Variants in ZWILCH observed in about 807,000 individuals in gnomAD.
ZWILCH encodes protein zwilch homolog.
In ZWILCH, 74 loss-of-function variants were observed where a neutral mutation model predicts 79.9. That is an observed-to-expected ratio of 0.93 (90% confidence interval 0.77 to 1.12). The LOEUF (loss-of-function observed/expected upper bound fraction) is 1.12. ZWILCH is among the 50% of genes most tolerant of loss of function. ZWILCH has a pLI of 0.00. For synonymous variants in ZWILCH, 241 were observed against 228.2 expected, an observed-to-expected ratio of 1.06 and a Z score of -0.51; for missense variants, 694 against 687.5, an observed-to-expected ratio of 1.01 and a Z score of -0.11.
At chr15:66,511,395 C>A (rs1894058038) in intron 2 of ZWILCH, among the ~76,000 whole-genome samples, 1 of 150,592 alleles carries the variant, frequency 6.6e-6, no homozygotes, top group Non-Finnish European at 1.5e-5. Flanking sequence ...TGGGAGGCCT[C>A]AGCTGGAGGA....
Position 66,513,973 on chromosome 15 carries a change from TA to T in ZWILCH, c.106-14del. The T allele has an allele frequency of 6.3e-7, 1 of 1,595,180 alleles. No homozygotes were observed. Among genetic ancestry groups the T allele is most frequent in the African/African-American group, 1.3e-5 (1 of 74,416 alleles). On this transcript the variant is annotated splice_polypyrimidine_tract_variant and intron_variant, in intron 2 of 18. Coordinates refer to ENST00000307897, the MANE Select transcript of ZWILCH (RefSeq NM_017975.5). ...TAAGTGTATGTATAATGTTGCTCGA[TA>T]CCTGTTTTAACAGGCTGATGTCCAA...
chr15:66,515,615 A>G lies in ZWILCH; in HGVS notation c.291A>G (p.Gly97=). 1 of 1,613,782 alleles carries G rather than the reference A, an allele frequency of 6.2e-7. No individual in the cohort carries two copies. The highest frequency in any genetic ancestry group is 8.5e-7 in the Non-Finnish European group (1 of 1,179,890). Residue 97 remains glycine (G), a synonymous_variant, in exon 4 of 19, where the codon GGA becomes GGG. Transcript: ENST00000307897. Reference sequence around the variant, plus strand: ...ATTTCTCTACTGGCGAAAATGTTGGACCACTTGCTTTACCAGTTGGGAAGG... The same window carrying G: ...ATTTCTCTACTGGCGAAAATGTTGGGCCACTTGCTTTACCAGTTGGGAAGG... ...ISDFSTGENV[G]PLALPVGKAR... is the part of the protein sequence containing the mutation.
chr15:66,515,094 AC>A (rs1427643851), intron 3 of ZWILCH, among the ~76,000 whole-genome samples: 1 of 150,926 alleles, frequency 6.6e-6, no homozygotes, highest in African/African-American at 2.4e-5. Context: ...GGTGCATGCC[AC>A]CACCCTGGCT....
chr15:66,511,494 CAAAAAAAAAAAA>C (rs368695686), intron 2 of ZWILCH, among the ~76,000 whole-genome samples: 2 of 86,308 alleles, frequency 2.3e-5, no homozygotes, highest in Admixed American at 2.4e-4. Flanking sequence ...GCCTGTCTTC[CAAAAAAAAAAAA>C]AAAAGATAAA....
At chr15:66,515,482 A>G (rs1203986006) in intron 3 of ZWILCH, 44 bp from the exon 4 acceptor site, 9 of 1,219,184 alleles carry the variant, frequency 7.4e-6, no homozygotes, top group East Asian at 4.6e-5. Context: ...CTGCTATCCT[A>G]TATGCTCTTT....
intron 2 of ZWILCH, 170 bp from the exon 3 acceptor site, chr15:66,513,818 G>T (rs1894158591): frequency 2.7e-6 from 1 of 370,746 alleles, no homozygotes; most frequent in East Asian, 5.2e-5. Flanking sequence ...TGATCCACCT[G>T]CCTGGGCCTC....
chr15:66,544,724 T>TTTTTTTTTTTTGTGTGTGTGTGTG (rs145952622), intron 17 of ZWILCH, among the ~76,000 whole-genome samples: 21 of 128,532 alleles, frequency 1.6e-4, no homozygotes, highest in Admixed American at 1.5e-3. Context: ...TTTTTGGTTT[T>TTTTTTTTTTTTGTGTGTGTGTGTG]TGTGTGTGTG....
intron 14 of ZWILCH, among the ~76,000 whole-genome samples, chr15:66,535,582 G>A (rs1161668012): frequency 3.3e-5 from 5 of 151,698 alleles, no homozygotes; most frequent in South Asian, 2.1e-4. Context: ...AGGCTAAGGC[G>A]GGAGAATCAC....
At chr15:66,528,264 T>A (rs1894746556) in intron 10 of ZWILCH, among the ~76,000 whole-genome samples, 1 of 152,156 alleles carries the variant, frequency 6.6e-6, no homozygotes, top group South Asian at 2.1e-4. Context: ...CCACCATGTC[T>A]GGCTAATTTT....
At chr15:66,536,546 C>T (rs1324627858) in intron 15 of ZWILCH, among the ~76,000 whole-genome samples, 1 of 152,176 alleles carries the variant, frequency 6.6e-6, no homozygotes, top group Non-Finnish European at 1.5e-5. Context: ...GAAAAATTCT[C>T]AGACACGGAC....
intron 17 of ZWILCH, among the ~76,000 whole-genome samples, chr15:66,543,407 A>T (rs995498974): frequency 4.6e-5 from 7 of 152,308 alleles, no homozygotes; most frequent in African/African-American, 1.7e-4. Context: ...GATTGCAGAG[A>T]TGATTACCAG....
At chr15:66,521,577 C>T (rs1393221329) in intron 7 of ZWILCH, among the ~76,000 whole-genome samples, 1 of 152,096 alleles carries the variant, frequency 6.6e-6, no homozygotes, top group Non-Finnish European at 1.5e-5. Context: ...CTCACTGCAG[C>T]CTCGAACTCC....
rs1390393915 is a variant in ZWILCH at position 66,505,396 on chromosome 15, G to A, written c.53+5G>A. The A allele has an allele frequency of 6.8e-6, 11 of 1,613,924 alleles. No individual in the cohort carries two copies. The highest frequency in any genetic ancestry group is 9.3e-6 in the Non-Finnish European group (11 of 1,179,970). ...CTTTTATTCTCGTCTCCTTCAGTGAGTCTAGTCTCTTCTTTTGGCTGGGGT... is the reference window on the plus strand; with the variant it reads ...CTTTTATTCTCGTCTCCTTCAGTGAATCTAGTCTCTTCTTTTGGCTGGGGT... On this transcript the variant is annotated splice_donor_5th_base_variant and intron_variant, in intron 1 of 18. Transcript: ENST00000307897.
intron 1 of ZWILCH, chr15:66,505,695 G>A (rs1595899003): frequency 4.8e-6 from 2 of 420,360 alleles, no homozygotes; most frequent in East Asian, 1.0e-4. Context: ...CACCACCCGG[G>A]ATACGGAAAA....
chr15:66,505,535 G>T, intron 1 of ZWILCH, 144 bp downstream of exon 1: 1 of 912,676 alleles, frequency 1.1e-6, no homozygotes, highest in Admixed American at 2.5e-5. Flanking sequence ...GGGAGAGGCC[G>T]GTTCTCGGCT....
intron 7 of ZWILCH, among the ~76,000 whole-genome samples, chr15:66,521,426 T>A (rs1894490284): frequency 6.6e-6 from 1 of 152,184 alleles, no homozygotes; most frequent in African/African-American, 2.4e-5. Context: ...TATAATAATA[T>A]AACTTAAGAA....
intron 16 of ZWILCH, among the ~76,000 whole-genome samples, chr15:66,537,519 C>T (rs1291932989): frequency 6.6e-6 from 1 of 151,800 alleles, no homozygotes; most frequent in African/African-American, 2.4e-5. Context: ...GGTGAAACCC[C>T]ATCTCTACTA....
intron 2 of ZWILCH, among the ~76,000 whole-genome samples, chr15:66,510,223 T>TAAAATAAA (rs71455513): frequency 7.8e-6 from 1 of 127,662 alleles, no homozygotes; most frequent in Non-Finnish European, 1.8e-5. Context: ...TAAAATAAAA[T>TAAAATAAA]ATAAAATAAA....
At chr15:66,516,739 C>G (rs1486860435) in intron 4 of ZWILCH, among the ~76,000 whole-genome samples, 1 of 152,174 alleles carries the variant, frequency 6.6e-6, no homozygotes, top group Non-Finnish European at 1.5e-5. Context: ...ACTCTCACCT[C>G]AGGTGATCCA....
Sources: allele counts gnomAD v4.1 joint callset (sites outside exome capture counted in the v4.1 genomes callset), GRCh38; gene constraint gnomAD v4.1.1; transcripts MANE v1.5; gene names NCBI Gene and HGNC (gene_info 2026-07-23, HGNC 2026-07-21).